The following FRMD6 variants were observed in gnomAD, a reference collection of about 807,000 sequenced individuals.
FRMD6 encodes FERM domain-containing protein 6.
A neutral mutation model predicts 73.2 loss-of-function variants in FRMD6; 37 were observed. The observed-to-expected ratio is 0.51, with a 90% CI of 0.39 to 0.66. The LOEUF is 0.66. Among genes scored for constraint, FRMD6 ranks in the 30% least tolerant of loss-of-function variants. FRMD6 has a pLI of 0.00. For synonymous variants in FRMD6, 273 were observed against 282.2 expected, an observed-to-expected ratio of 0.97 and a Z score of 0.33; for missense variants, 714 against 780.5, an observed-to-expected ratio of 0.91 and a Z score of 1.02.
At chr14:51,726,222 C>T (rs1159949507) in intron 13 of FRMD6, among the ~76,000 whole-genome samples, 2 of 152,136 alleles carry the variant, frequency 1.3e-5, no homozygotes, top group African/African-American at 4.8e-5. Context: ...TGTGTTCTGG[C>T]AGAAATGTTT....
the FRMD6 span, among the ~76,000 whole-genome samples, chr14:51,433,021 G>A: frequency 6.6e-6 from 1 of 152,172 alleles, no homozygotes; most frequent in Non-Finnish European, 1.5e-5. Context: ...ACTGAGATAC[G>A]ATTTCTTGCC....
chr14:51,609,872 G>A (rs1173462355), intron 2 of FRMD6, among the ~76,000 whole-genome samples: 1 of 152,066 alleles, frequency 6.6e-6, no homozygotes, highest in Non-Finnish European at 1.5e-5. Flanking sequence ...TCCAAAATAG[G>A]CACATACACA....
At chr14:51,724,262 C>G (rs1453082021) in intron 12 of FRMD6, 1 of 151,498 alleles carries the variant, frequency 6.6e-6, no homozygotes, top group Non-Finnish European at 1.5e-5. Context: ...GTATACCACA[C>G]TGTCTTTCAT....
At position 51,726,085 on chromosome 14, in the gene FRMD6, T is replaced by C. The variant is rs544210612; in HGVS notation, c.1584+215T>C. Among the ~76,000 whole-genome samples, 206 of 152,344 alleles carry C rather than the reference T, an allele frequency of 1.4e-3. 4 individuals are homozygous for C. The South Asian group carries it at 0.04, about 29-fold the overall frequency. On this transcript the variant is annotated intron_variant, in intron 13 of 13. Transcript: ENST00000344768. Reference sequence around the variant, plus strand: ...GATTTTTACTTAGATAAGTTATAGATTTTGCTTCACATTTTATATGGTTGG... The same window carrying C: ...GATTTTTACTTAGATAAGTTATAGACTTTGCTTCACATTTTATATGGTTGG...
In FRMD6 at chr14:51,689,716, C is replaced by T. The variant is rs1012105497; in HGVS notation, c.-121C>T. The T allele has an allele frequency of 2.6e-5, 18 of 703,144 alleles. No homozygotes were observed. Among genetic ancestry groups the T allele is most frequent in the African/African-American group, 1.9e-4 (11 of 56,894 alleles). 43.6% of individuals were successfully genotyped at this position (703,144 alleles called of 1,614,324 possible). A position where few individuals can be genotyped will look rare whatever the true frequency, so the allele number is the denominator to read the frequency against. On this transcript the variant is annotated 5_prime_UTR_variant, in exon 2 of 14. Coordinates refer to ENST00000344768, the MANE Select transcript of FRMD6 (RefSeq NM_001267046.2). ...CTATGAAACCCACGTAGTCGAACAC[C>T]GTGATGCTTCTCCTGCAGGGCGTGT...
At chr14:51,697,519 T>TA (rs1896029414) in intron 2 of FRMD6, among the ~76,000 whole-genome samples, 2 of 152,016 alleles carry the variant, frequency 1.3e-5, no homozygotes, top group Admixed American at 6.6e-5. Context: ...GAGATATTAG[T>TA]AAAAAAATAC....
chr14:51,448,949 A>T, the FRMD6 span, among the ~76,000 whole-genome samples: 2 of 152,214 alleles, frequency 1.3e-5, no homozygotes, highest in South Asian at 4.1e-4. Flanking sequence ...CAGACTAGTC[A>T]TGGTACCTCA....
At chr14:51,520,772 G>A (rs1262695660) in intron 1 of FRMD6, among the ~76,000 whole-genome samples, 1 of 152,072 alleles carries the variant, frequency 6.6e-6, no homozygotes, top group Non-Finnish European at 1.5e-5. Context: ...AGCCAAGCAT[G>A]GTGGCACGTG....
At chr14:51,493,194 T>C (rs190213364) in intron 1 of FRMD6, among the ~76,000 whole-genome samples, 23 of 152,338 alleles carry the variant, frequency 1.5e-4, no homozygotes, top group Non-Finnish European at 3.2e-4. Context: ...TCAACAATCA[T>C]CTATTTGTAT....
the FRMD6 span, among the ~76,000 whole-genome samples, chr14:51,450,514 C>T: frequency 6.6e-6 from 1 of 152,234 alleles, no homozygotes; most frequent in East Asian, 1.9e-4. Flanking sequence ...CCAGCAGTTC[C>T]CCACCAGGGT....
At chr14:51,608,046 C>G (rs1890335283) in intron 2 of FRMD6, among the ~76,000 whole-genome samples, 2 of 113,798 alleles carry the variant, frequency 1.8e-5, no homozygotes, top group Non-Finnish European at 4.4e-5. Context: ...AGAAGAAAAC[C>G]ATTATTCCCA....
At chr14:51,451,047 C>T in the FRMD6 span, among the ~76,000 whole-genome samples, 4 of 152,178 alleles carry the variant, frequency 2.6e-5, no homozygotes, top group Non-Finnish European at 4.4e-5. Context: ...GAGTCTTGAA[C>T]CTCAGTTGAA....
intron 1 of FRMD6, among the ~76,000 whole-genome samples, chr14:51,515,457 G>C (rs529447952): frequency 2.6e-5 from 4 of 152,166 alleles, no homozygotes; most frequent in African/African-American, 9.6e-5. Flanking sequence ...GTATATATTA[G>C]GCCCCCACTT....
chr14:51,598,338 G>C (rs1488173023), intron 2 of FRMD6, among the ~76,000 whole-genome samples: 1 of 152,214 alleles, frequency 6.6e-6, no homozygotes, highest in African/African-American at 2.4e-5. Context: ...GAAGGGAGTT[G>C]TCAGGGTATG....
chr14:51,692,171 A>G (rs763945740), intron 2 of FRMD6, among the ~76,000 whole-genome samples: 1 of 152,146 alleles, frequency 6.6e-6, no homozygotes, highest in East Asian at 1.9e-4. Flanking sequence ...ATGATTAGCT[A>G]CATTGCTGCT....
At chr14:51,487,348 A>C (rs1882789378), upstream of FRMD6, among the ~76,000 whole-genome samples, 1 of 152,224 alleles carries the variant, frequency 6.6e-6, no homozygotes, top group South Asian at 2.1e-4. Context: ...CAAAATCAAC[A>C]AATTATAGGT....
the FRMD6 span, among the ~76,000 whole-genome samples, chr14:51,447,589 T>G: frequency 6.6e-6 from 1 of 152,230 alleles, no homozygotes; most frequent in Non-Finnish European, 1.5e-5. Context: ...CTGTGCCTTA[T>G]GTAAGGCCAC....
At chr14:51,551,774 T>G (rs1886854742) in intron 1 of FRMD6, among the ~76,000 whole-genome samples, 1 of 151,822 alleles carries the variant, frequency 6.6e-6, no homozygotes, top group South Asian at 2.1e-4. Context: ...ATAATATATG[T>G]AATACATTTT....
intron 1 of FRMD6, among the ~76,000 whole-genome samples, chr14:51,663,343 G>A (rs1293985629): frequency 6.6e-6 from 1 of 152,186 alleles, no homozygotes; most frequent in Non-Finnish European, 1.5e-5. Flanking sequence ...ATTCACAATA[G>A]CAAAGACATA....
Sources: allele counts gnomAD v4.1 joint callset (sites outside exome capture counted in the v4.1 genomes callset), GRCh38; gene constraint gnomAD v4.1.1; transcripts MANE v1.5; gene names NCBI Gene and HGNC (gene_info 2026-07-23, HGNC 2026-07-21).